Variants in TUBA3C observed in about 807,000 individuals in gnomAD.
The protein encoded by TUBA3C is tubulin alpha 3c, also known as tubulin alpha-3C chain.
TUBA3C carries 23 observed loss-of-function variants against 33.4 expected under a neutral mutation model. The observed-to-expected ratio is 0.69, with a 90% CI of 0.50 to 0.98. TUBA3C has a LOEUF of 0.98. Ranked by LOEUF, TUBA3C falls within the 50% of genes least tolerant of loss-of-function variation. TUBA3C has a pLI of 0.00. For synonymous variants in TUBA3C, 269 were observed against 250.4 expected, an observed-to-expected ratio of 1.07 and a Z score of -0.70; for missense variants, 402 against 616.0, an observed-to-expected ratio of 0.65 and a Z score of 3.68.
intron 4 of TUBA3C, among the ~76,000 whole-genome samples, chr13:19,175,290 C>T (rs193179306): frequency 7.2e-5 from 11 of 152,112 alleles, no homozygotes; most frequent in African/African-American, 2.2e-4. Flanking sequence ...AAAGCAGCAA[C>T]GTCTTTATTT....
chr13:19,175,680 A>G (rs1869153485), intron 4 of TUBA3C, among the ~76,000 whole-genome samples: 1 of 152,212 alleles, frequency 6.6e-6, no homozygotes, highest in South Asian at 2.1e-4. Context: ...GCTATCCGAC[A>G]GCAGAGTGGG....
rs1219793031 is a variant in TUBA3C, at chr13:19,173,874, C to T, written c.1342G>A (p.Glu448Lys). The T allele has an allele frequency of 6.2e-7, 1 of 1,612,714 alleles. No individual in the cohort carries two copies. The highest frequency in any genetic ancestry group is 8.5e-7 in the Non-Finnish European group (1 of 1,179,040). The change falls in exon 5 of 5, where the codon GAA becomes AAA. Residue 448 changes from glutamate (E) to lysine (K), a missense_variant. Coordinates refer to ENST00000400113, the MANE Select transcript of TUBA3C (RefSeq NM_006001.3). ...ACCACACCCTCCCCTCAGTATTCTT[C>T]ACCTTCTTCAGCCTCGGCTTCCACG... ...DSVEAEAEEG[E>K]EY
intron 1 of TUBA3C, among the ~76,000 whole-genome samples, chr13:19,180,800 A>T (rs1365207060): frequency 6.6e-6 from 1 of 151,710 alleles, no homozygotes; most frequent in Non-Finnish European, 1.5e-5. Context: ...CGGCCGAAAA[A>T]TTTAAACATT....
chr13:19,177,471 A>G lies in TUBA3C; in HGVS notation c.512T>C (p.Ile171Thr). ...CGTGGAGACCTGGGGGGCTGGGTAA[A>G]TGGCAAATTCTAGCTTGGACTTCTT... ...YGKKSKLEFAIYPAPQVSTAV... is the reference protein window; with the variant it reads ...YGKKSKLEFATYPAPQVSTAV... Residue 171 changes from isoleucine (I) to threonine (T), a missense_variant, in exon 4 of 5, where the codon ATT becomes ACT. Coordinates refer to ENST00000400113, the MANE Select transcript of TUBA3C (RefSeq NM_006001.3). This position sits in a 1 kb window ranked among gnomAD's most constrained non-coding sequence, Gnocchi z 5.0. 1 of 1,614,070 alleles carries G rather than the reference A, an allele frequency of 6.2e-7. No individual in the cohort carries two copies. The highest frequency in any genetic ancestry group is 8.5e-7 in the Non-Finnish European group (1 of 1,180,028).
rs774052893 is a variant in TUBA3C, at chr13:19,174,048, G to T, written c.1168C>A (p.Arg390Ser). The T allele has an allele frequency of 1.2e-6, 2 of 1,613,876 alleles. No individual in the cohort carries two copies. Among genetic ancestry groups the T allele is most frequent in the East Asian group, 4.5e-5 (2 of 44,744 alleles). Reference sequence around the variant, plus strand: ...ATGAGATCGAACTTATGGTCCAGGCGAGCCCAGGCCTCCGCGATGGCCGTG... The same window carrying T: ...ATGAGATCGAACTTATGGTCCAGGCTAGCCCAGGCCTCCGCGATGGCCGTG... ...NTTAIAEAWA[R>S]LDHKFDLMYA... The change falls in exon 5 of 5, where the codon CGC becomes AGC. Residue 390 changes from arginine to serine, a missense_variant. Coordinates refer to ENST00000400113, the MANE Select transcript of TUBA3C (RefSeq NM_006001.3).
At chr13:19,176,891 TGAAAGG>T in intron 4 of TUBA3C, 30 bp downstream of exon 4, 4 of 1,598,892 alleles carry the variant, frequency 2.5e-6, no homozygotes, top group Non-Finnish European at 3.4e-6. Context: ...TGTTGCTTGC[TGAAAGG>T]TACAAGGACT....
intron 1 of TUBA3C, among the ~76,000 whole-genome samples, chr13:19,181,333 G>A (rs1197084530): frequency 6.6e-6 from 1 of 152,138 alleles, no homozygotes; most frequent in Non-Finnish European, 1.5e-5. Context: ...TTCCTGATCT[G>A]ACCAATGTCC....
At position 19,179,572 on chromosome 13, in the gene TUBA3C, C is replaced by T. The variant is rs749161605; in HGVS notation, c.4-9G>A. On this transcript the variant is annotated splice_polypyrimidine_tract_variant and intron_variant, in intron 1 of 4. Transcript: ENST00000400113. ...ATAGAGATACACTCACGCTGTGAACCAGAACATAAATGTAGACCCATTCAT... is the reference window on the plus strand; with the variant it reads ...ATAGAGATACACTCACGCTGTGAACTAGAACATAAATGTAGACCCATTCAT... The T allele has an allele frequency of 1.1e-5, 17 of 1,612,982 alleles. No homozygotes were observed. In the Admixed American group the frequency reaches 1.2e-4, roughly 11 times the overall value.
Position 19,177,748 on chromosome 13 carries a change from C to T in TUBA3C, c.376-141G>A. On this transcript the variant is annotated intron_variant, in intron 3 of 4. Transcript: ENST00000400113. The surrounding 1 kb of genome is among the most constrained non-coding windows in gnomAD (Gnocchi z 5.0). ...AATAAACACGCAGTACACTCTGAAG[C>T]AAAGAAAAGCAGACAAAGATCTACA... 1.8e-6 allele frequency: 2 copies of T among 1,133,436 alleles called. No homozygotes were observed. The highest frequency in any genetic ancestry group is 2.6e-5 in the East Asian group (1 of 38,268). The allele number at this position is 1,133,436 out of a possible 1,614,324, so 70.2% of individuals were successfully genotyped here. A position where few individuals can be genotyped will look rare whatever the true frequency, so the allele number is the denominator to read the frequency against.
In TUBA3C at chr13:19,173,983, T is replaced by G; in HGVS notation, c.1233A>C (p.Glu411Asp). 6.2e-7 allele frequency: 1 copy of G among 1,614,012 alleles called. No individual in the cohort carries two copies. Among genetic ancestry groups the G allele is most frequent in the South Asian group, 1.1e-5 (1 of 91,060 alleles). Residue 411 changes from glutamate (E) to aspartate (D), a missense_variant, in exon 5 of 5, where the codon GAA becomes GAC. Transcript: ENST00000400113. ...CAGAGAACTCCCCCTCCTCCATGCC[T>G]TCTCCCACGTACCAGTGCACAAAGG... ...KRAFVHWYVG[E>D]GMEEGEFSEA...
rs142386490 is a variant in TUBA3C at position 19,177,464 on chromosome 13, T to C, written c.519A>G (p.Pro173=). 3 of 1,613,900 alleles carry C rather than the reference T, an allele frequency of 1.9e-6. No homozygotes were observed. Among genetic ancestry groups the C allele is most frequent in the African/African-American group, 1.3e-5 (1 of 74,874 alleles). Residue 173 remains proline, a synonymous_variant, in exon 4 of 5, where the codon CCA becomes CCG. Transcript: ENST00000400113. The surrounding 1 kb of genome is among the most constrained non-coding windows in gnomAD (Gnocchi z 5.0). ...CCACGGCCGTGGAGACCTGGGGGGC[T>C]GGGTAAATGGCAAATTCTAGCTTGG... is the stretch of plus-strand genomic sequence containing the variant. ...KKSKLEFAIY[P]APQVSTAVVE...
chr13:19,181,003 G>A (rs1033319432), intron 1 of TUBA3C, among the ~76,000 whole-genome samples: 1 of 149,058 alleles, frequency 6.7e-6, no homozygotes, highest in African/African-American at 2.4e-5. Context: ...CACGGCCACT[G>A]CTATTCAGAC....
At chr13:19,176,756 A>AAAAAAAAAAAAAAAAC (rs1869196414) in intron 4 of TUBA3C, among the ~76,000 whole-genome samples, 171 bp downstream of exon 4, 1 of 144,648 alleles carries the variant, frequency 6.9e-6, no homozygotes, top group Non-Finnish European at 1.5e-5. Context: ...AAAAAAAAAA[A>AAAAAAAAAAAAAAAAC]AAAGACATCA....
In TUBA3C at chr13:19,179,335, A is replaced by G. The variant is rs769812783; in HGVS notation, c.226+6T>C. The G allele has an allele frequency of 3.1e-6, 5 of 1,613,926 alleles. No homozygotes were observed. In the South Asian group the frequency reaches 5.5e-5, roughly 18 times the overall value. ...GAAAGCTGCCATCCAGGACCCGAGC[A>G]CCTACCGACCACAGTGGGCTCCAGG... On this transcript the variant is annotated splice_donor_region_variant and intron_variant, in intron 2 of 4. Transcript: ENST00000400113.
chr13:19,176,804 C>A, intron 4 of TUBA3C, 123 bp downstream of exon 4: 1 of 959,010 alleles, frequency 1.0e-6, no homozygotes. Flanking sequence ...AATTGATGCC[C>A]ACATGCCTAG....
At chr13:19,181,285 A>G (rs976783804) in intron 1 of TUBA3C, among the ~76,000 whole-genome samples, 1 of 152,026 alleles carries the variant, frequency 6.6e-6, no homozygotes. Flanking sequence ...CCCTGACCTC[A>G]GGGGATTCCC....
chr13:19,181,496 T>G (rs891606507), intron 1 of TUBA3C, among the ~76,000 whole-genome samples: 4 of 152,134 alleles, frequency 2.6e-5, no homozygotes, highest in Admixed American at 2.6e-4. Flanking sequence ...ACACGGTCAA[T>G]GCTCCCCGTC....
Position 19,178,393 on chromosome 13 carries a change from A to G in TUBA3C, c.228T>C (p.Asp76=), listed in dbSNP as rs1163304614. The G allele has an allele frequency of 6.2e-7, 1 of 1,613,650 alleles. No individual in the cohort carries two copies. Among genetic ancestry groups the G allele is most frequent in the Admixed American group, 1.7e-5 (1 of 59,948 alleles). The part of the protein sequence containing the change: ...VFVDLEPTVV[D]EVRTGTYRQL... Reference sequence around the variant, plus strand: ...GCCTATAGGTTCCTGTGCGCACTTCATCTACAAAAGAGACCGTATGTACTG... The same window carrying G: ...GCCTATAGGTTCCTGTGCGCACTTCGTCTACAAAAGAGACCGTATGTACTG... The change falls in exon 3 of 5, where the codon GAT becomes GAC. Residue 76 remains aspartate, a splice_region_variant and synonymous_variant. Coordinates refer to ENST00000400113, the MANE Select transcript of TUBA3C (RefSeq NM_006001.3).
intron 4 of TUBA3C, among the ~76,000 whole-genome samples, chr13:19,175,148 A>C (rs1869135174): frequency 6.6e-6 from 1 of 152,130 alleles, no homozygotes; most frequent in African/African-American, 2.4e-5. Context: ...GCTACTCGGG[A>C]GGCTGAGGCG....
Sources: allele counts gnomAD v4.1 joint callset (sites outside exome capture counted in the v4.1 genomes callset), GRCh38; gene constraint gnomAD v4.1.1; non-coding constraint Gnocchi (gnomAD v3.1); transcripts MANE v1.5; gene names NCBI Gene and HGNC (gene_info 2026-07-23, HGNC 2026-07-21).